The following FRMD5 variants were observed in gnomAD, a reference collection of about 807,000 sequenced individuals.
The protein encoded by FRMD5 is FERM domain containing 5.
A neutral mutation model predicts 69.0 loss-of-function variants in FRMD5; 20 were observed. The ratio of observed to expected loss-of-function variants is 0.29; its 90% CI spans 0.20 to 0.42. The LOEUF (loss-of-function observed/expected upper bound fraction) is 0.42, where lower values mean the gene tolerates loss of function less well. FRMD5 is among the 10% of genes least tolerant of loss of function. The pLI, the probability that FRMD5 is intolerant of heterozygous loss-of-function variation, is 1.00. For synonymous variants in FRMD5, 271 were observed against 260.1 expected (o/e 1.04, Z -0.40); for missense variants, 595 against 708.6 (o/e 0.84, Z 1.82).
chr15:43,979,278 T>C (rs980206744), intron 1 of FRMD5, among the ~76,000 whole-genome samples: 15 of 149,520 alleles, frequency 1.0e-4, no homozygotes, highest in African/African-American at 3.7e-4. Flanking sequence ...GAGATTACAG[T>C]GAGCGGAGAT....
chr15:43,952,659 C>T (rs1435351826), intron 1 of FRMD5, among the ~76,000 whole-genome samples: 2 of 152,176 alleles, frequency 1.3e-5, no homozygotes, highest in Non-Finnish European at 2.9e-5. Context: ...GAAAAGAAAG[C>T]GAGCCTGCAG....
At chr15:44,139,099 T>C (rs1465875888) in intron 1 of FRMD5, among the ~76,000 whole-genome samples, 1 of 152,110 alleles carries the variant, frequency 6.6e-6, no homozygotes, top group Non-Finnish European at 1.5e-5. Context: ...ACACTTTAAA[T>C]GGGTGAATCG....
chr15:44,168,869 T>G (rs1289302972), intron 1 of FRMD5, among the ~76,000 whole-genome samples: 1 of 152,176 alleles, frequency 6.6e-6, no homozygotes, highest in African/African-American at 2.4e-5. Context: ...TAAACGCTAT[T>G]TCATCCTAAC....
chr15:43,970,715 AGT>A lies in FRMD5; in HGVS notation c.103-46408_103-46407del, dbSNP rs1242517586. Among the ~76,000 whole-genome samples, 886 of 152,300 alleles carry A rather than the reference AGT, an allele frequency of 5.8e-3. 12 individuals carry two copies. Among genetic ancestry groups the A allele is most frequent in the African/African-American group, 0.02 (842 of 41,570 alleles). ...CGAGTGATATGCCTTGGCCTCCCAA[AGT>A]GCTGGGATTACAGGCGTGAGCCACC... On this transcript the variant is annotated intron_variant, in intron 1 of 13. Coordinates refer to ENST00000417257, the MANE Select transcript of FRMD5 (RefSeq NM_032892.5).
At chr15:43,977,992 C>G (rs2090490232) in intron 1 of FRMD5, among the ~76,000 whole-genome samples, 1 of 152,050 alleles carries the variant, frequency 6.6e-6, no homozygotes, top group Admixed American at 6.6e-5. Context: ...ATATCCCCAA[C>G]CCCTCCCCAT....
chr15:44,111,755 G>A (rs1322051953), intron 1 of FRMD5, among the ~76,000 whole-genome samples: 2 of 152,070 alleles, frequency 1.3e-5, no homozygotes, highest in African/African-American at 4.8e-5. Flanking sequence ...AAGGAGCTAG[G>A]GAATATTGGT....
At chr15:44,003,735 C>T (rs148443660) in intron 1 of FRMD5, among the ~76,000 whole-genome samples, 49 of 152,354 alleles carry the variant, frequency 3.2e-4, no homozygotes, top group Middle Eastern at 6.8e-3. Flanking sequence ...AACCACCCAT[C>T]CAACTCTAGC....
intron 7 of FRMD5, among the ~76,000 whole-genome samples, chr15:43,894,258 A>AGGTT (rs1341277620): frequency 6.6e-6 from 1 of 151,878 alleles, no homozygotes; most frequent in African/African-American, 2.4e-5. Context: ...TGACTGGGAG[A>AGGTT]GGTTGGGGAG....
At chr15:43,958,508 T>C (rs940514407) in intron 1 of FRMD5, among the ~76,000 whole-genome samples, 11 of 152,170 alleles carry the variant, frequency 7.2e-5, no homozygotes, top group African/African-American at 1.2e-4. Context: ...TCGTGGCTCA[T>C]TGCAGCCTCT....
intron 1 of FRMD5, among the ~76,000 whole-genome samples, chr15:44,053,510 C>T (rs761012382): frequency 2.0e-5 from 3 of 151,828 alleles, no homozygotes; most frequent in South Asian, 2.1e-4. Context: ...TGGATGGGAG[C>T]GGTGGCAGTG....
chr15:44,082,762 A>C (rs114837145), intron 1 of FRMD5, among the ~76,000 whole-genome samples: 1,847 of 152,132 alleles, frequency 0.012, 49 homozygotes, highest in African/African-American at 0.043. Context: ...CTTAGAGGAA[A>C]AAAATCACAG....
chr15:43,949,950 G>A (rs1350876498), intron 1 of FRMD5, among the ~76,000 whole-genome samples: 2 of 152,190 alleles, frequency 1.3e-5, no homozygotes, highest in Non-Finnish European at 2.9e-5. Flanking sequence ...GAGATTCCAA[G>A]GCTTGGGAAG....
chr15:44,037,259 T>A (rs1369475799), intron 1 of FRMD5, among the ~76,000 whole-genome samples: 1 of 152,134 alleles, frequency 6.6e-6, no homozygotes, highest in Non-Finnish European at 1.5e-5. Context: ...GTTCCTGTGA[T>A]AGTTTGCTTA....
At chr15:44,063,674 A>G in intron 1 of FRMD5, 1 of 409,302 alleles carries the variant, frequency 2.4e-6, no homozygotes, top group South Asian at 2.0e-5. Flanking sequence ...ACCCATAGCA[A>G]GTTCCACAGC....
Position 43,873,495 on chromosome 15 carries a change from T to C in FRMD5, c.*390A>G. Reference sequence around the variant, plus strand: ...CAGCAGCTCTCTAGTTTTCAACTAGTGTCCCCTCTGCTAGGTGATACTACT... The same window carrying C: ...CAGCAGCTCTCTAGTTTTCAACTAGCGTCCCCTCTGCTAGGTGATACTACT... On this transcript the variant is annotated 3_prime_UTR_variant, in exon 14 of 14. Transcript: ENST00000417257. 7.0e-7 allele frequency: 1 copy of C among 1,421,852 alleles called. No individual in the cohort carries two copies. 88.1% of individuals were successfully genotyped at this position (1,421,852 alleles called of 1,614,324 possible). A position where few individuals can be genotyped will look rare whatever the true frequency, so the allele number is the denominator to read the frequency against.
At chr15:43,880,312 G>C (rs1252372760) in intron 13 of FRMD5, among the ~76,000 whole-genome samples, 1 of 152,146 alleles carries the variant, frequency 6.6e-6, no homozygotes. Flanking sequence ...AATTCCTTGG[G>C]GTTTTTGTTG....
intron 1 of FRMD5, among the ~76,000 whole-genome samples, chr15:44,034,040 C>T (rs1228912498): frequency 6.6e-6 from 1 of 152,146 alleles, no homozygotes; most frequent in African/African-American, 2.4e-5. Context: ...TATTGGTCAT[C>T]AGAAAGACTC....
upstream of FRMD5, among the ~76,000 whole-genome samples, chr15:44,198,326 CAAAA>C (rs35320478): frequency 1.0e-5 from 1 of 96,608 alleles, no homozygotes. Context: ...GATCCTGTCT[CAAAA>C]AAAAAAAAAA....
chr15:44,001,469 A>T (rs1285047383), intron 1 of FRMD5, among the ~76,000 whole-genome samples: 1 of 152,162 alleles, frequency 6.6e-6, no homozygotes, highest in African/African-American at 2.4e-5. Context: ...TATTAAAAAA[A>T]GTATTGCCAA....
Sources: gnomAD v4.1 joint callset for allele counts (sites outside exome capture counted in the v4.1 genomes callset) on GRCh38, gnomAD v4.1.1 for gene constraint, MANE v1.5 for transcripts, NCBI Gene and HGNC (gene_info 2026-07-23, HGNC 2026-07-21) for gene names.